The following CIZ1 variants were observed in gnomAD, a reference collection of about 807,000 sequenced individuals.
CIZ1 encodes the protein CDKN1A interacting zinc finger protein 1.
CIZ1 carries 58 observed loss-of-function variants against 118.6 expected under a neutral mutation model. The observed-to-expected ratio is 0.49, with a 90% CI of 0.40 to 0.61. The LOEUF (loss-of-function observed/expected upper bound fraction) is 0.61. Ranked by LOEUF, CIZ1 falls within the 20% of genes least tolerant of loss-of-function variation. The pLI is 0.00. For missense variants in CIZ1, 921 were observed against 1,115.9 expected, an observed-to-expected ratio of 0.83 and a Z score of 2.49; for synonymous variants, 448 against 443.4, an observed-to-expected ratio of 1.01 and a Z score of -0.13.
At chr9:128,189,461 G>C (rs13295047) in intron 3 of CIZ1, among the ~76,000 whole-genome samples, 1 of 152,108 alleles carries the variant, frequency 6.6e-6, no homozygotes, top group Non-Finnish European at 1.5e-5. Flanking sequence ...CTGGGCCTCA[G>C]TTTCTTCATT....
Position 128,177,546 on chromosome 9 carries a change from C to CCAAAA in CIZ1, c.1818+19_1818+20insTTTTG. On this transcript the variant is annotated intron_variant, in intron 10 of 16. Coordinates refer to ENST00000372938, the MANE Select transcript of CIZ1 (RefSeq NM_001131016.2). ...CACGCAGGCCCCACCCCTCCCCACC[C>CCAAAA]TTATCTCCTGTATCAGTACCTGCTG... The CCAAAA allele has an allele frequency of 2.7e-5, 36 of 1,353,296 alleles. No homozygotes were observed. The highest frequency in any genetic ancestry group is 5.3e-5 in the East Asian group (2 of 37,798). 83.8% of individuals were successfully genotyped at this position (1,353,296 alleles called of 1,614,324 possible).
At chr9:128,199,036 G>C (rs1422285385) in intron 1 of CIZ1, among the ~76,000 whole-genome samples, 1 of 151,790 alleles carries the variant, frequency 6.6e-6, no homozygotes, top group Non-Finnish European at 1.5e-5. Flanking sequence ...TAACCTCTCT[G>C]TGCCTCAGTT....
At chr9:128,174,327 G>A (rs1459964435) in intron 11 of CIZ1, among the ~76,000 whole-genome samples, 1 of 152,178 alleles carries the variant, frequency 6.6e-6, no homozygotes, top group Non-Finnish European at 1.5e-5. Context: ...ACTAGAAACT[G>A]TTCTGCTACC....
chr9:128,185,331 G>A (rs976118942), intron 5 of CIZ1, among the ~76,000 whole-genome samples: 3 of 152,134 alleles, frequency 2.0e-5, no homozygotes, highest in African/African-American at 7.2e-5. Flanking sequence ...GGTAGTGTTT[G>A]GGCATGGCAA....
rs923910006 is a variant in CIZ1, at chr9:128,203,146, T to A, written c.-6+1040A>T. 1.3e-5 allele frequency among the ~76,000 whole-genome samples: 2 copies of A among 152,148 alleles called. No homozygotes were observed. The highest frequency in any genetic ancestry group is 4.8e-5 in the African/African-American group (2 of 41,436). On this transcript the variant is annotated intron_variant, in intron 1 of 17. Transcript: ENST00000372948. This position sits in a 1 kb window ranked among gnomAD's most constrained non-coding sequence, Gnocchi z 5.3. ...CCAGACCACTCTCCAAGAGGCCTGG[T>A]ACTAGGAGTGAGACCCAACCCATTG...
chr9:128,185,537 T>C lies in CIZ1; in HGVS notation c.588+10A>G. ...CCTCCCGCCCACTCCCATCCCCACCTACCACTCACCTTTCGATTGGGGGTG... is the reference window on the plus strand; with the variant it reads ...CCTCCCGCCCACTCCCATCCCCACCCACCACTCACCTTTCGATTGGGGGTG... On this transcript the variant is annotated intron_variant, in intron 5 of 16. Transcript: ENST00000372938. 1.2e-6 allele frequency: 1 copy of C among 814,580 alleles called. No homozygotes were observed. Among genetic ancestry groups the C allele is most frequent in the Non-Finnish European group, 1.8e-6 (1 of 553,306 alleles). 50.5% of individuals were successfully genotyped at this position (814,580 alleles called of 1,614,324 possible).
At chr9:128,189,948 A>C (rs1488745761) in intron 3 of CIZ1, among the ~76,000 whole-genome samples, 2 of 152,076 alleles carry the variant, frequency 1.3e-5, no homozygotes, top group Non-Finnish European at 2.9e-5. Context: ...GGCTAGAGAC[A>C]ACCACTCAGA....
chr9:128,188,720 G>A (rs7865893), intron 3 of CIZ1, among the ~76,000 whole-genome samples: 5,128 of 151,728 alleles, frequency 0.034, 277 homozygotes, highest in African/African-American at 0.12. Flanking sequence ...AGCAACCCCC[G>A]CCTCCTGGGT....
chr9:128,179,094 T>C lies in CIZ1; in HGVS notation c.1113A>G (p.Pro371=), dbSNP rs1049335604. Reference sequence around the variant, plus strand: ...GTACCTGTGGCTGCACCTGCTTCTGTGGCTCTGCCTCCTGCTGCAGCTGTG... The same window carrying C: ...GTACCTGTGGCTGCACCTGCTTCTGCGGCTCTGCCTCCTGCTGCAGCTGTG... ...VQPQLQQEAE[P]QKQVQPQVQP... is the part of the protein sequence containing the mutation. Residue 371 remains proline, a synonymous_variant, in exon 8 of 17, where the codon CCA becomes CCG. Coordinates refer to ENST00000372938, the MANE Select transcript of CIZ1 (RefSeq NM_001131016.2). The C allele has an allele frequency of 2.5e-6, 4 of 1,613,772 alleles. No homozygotes were observed. The African/African-American group carries it at 5.3e-5, about 22-fold the overall frequency.
intron 10 of CIZ1, among the ~76,000 whole-genome samples, chr9:128,176,936 G>A (rs1005481486): frequency 2.6e-5 from 4 of 152,092 alleles, no homozygotes; most frequent in Non-Finnish European, 2.9e-5. Context: ...TGAGAGTCTC[G>A]CTCTGTTACC....
rs781115362 is a variant in CIZ1, at chr9:128,203,213, C to A, written c.-6+973G>T. ...CAGCATCCGCGCACCCCAGACACTGCTAAAGCACCCCAAAAGCCGCAGAAG... is the reference window on the plus strand; with the variant it reads ...CAGCATCCGCGCACCCCAGACACTGATAAAGCACCCCAAAAGCCGCAGAAG... On this transcript the variant is annotated intron_variant, in intron 1 of 17. Coordinates refer to the CIZ1 transcript ENST00000372948. This position sits in a 1 kb window ranked among gnomAD's most constrained non-coding sequence, Gnocchi z 5.3. 10 of 176,314 alleles carry A rather than the reference C, an allele frequency of 5.7e-5. No homozygotes were observed. Among genetic ancestry groups the A allele is most frequent in the East Asian group, 1.6e-4 (1 of 6,096 alleles). 10.9% of individuals were successfully genotyped at this position (176,314 alleles called of 1,614,324 possible).
upstream of CIZ1, among the ~76,000 whole-genome samples, chr9:128,194,880 C>T (rs916842194): frequency 2.6e-5 from 4 of 152,176 alleles, no homozygotes; most frequent in African/African-American, 9.6e-5. Flanking sequence ...CGCAGTGGCA[C>T]GATCATAGCT....
chr9:128,181,644 C>T (rs565102575), intron 5 of CIZ1, among the ~76,000 whole-genome samples: 2 of 152,122 alleles, frequency 1.3e-5, no homozygotes, highest in Non-Finnish European at 2.9e-5. Flanking sequence ...CACCAGAGGG[C>T]TCCTTGGTCT....
At position 128,177,546 on chromosome 9, in the gene CIZ1, C is replaced by CCAAAAAACAGTG; in HGVS notation, c.1818+19_1818+20insCACTGTTTTTTG. ...CACGCAGGCCCCACCCCTCCCCACCCTTATCTCCTGTATCAGTACCTGCTG... is the reference window on the plus strand; with the variant it reads ...CACGCAGGCCCCACCCCTCCCCACCCCAAAAAACAGTGTTATCTCCTGTATCAGTACCTGCTG... On this transcript the variant is annotated intron_variant, in intron 10 of 16. Coordinates refer to ENST00000372938, the MANE Select transcript of CIZ1 (RefSeq NM_001131016.2). 7.4e-7 allele frequency: 1 copy of CCAAAAAACAGTG among 1,353,458 alleles called. No homozygotes were observed. Among genetic ancestry groups the CCAAAAAACAGTG allele is most frequent in the Non-Finnish European group, 9.9e-7 (1 of 1,013,754 alleles). The allele number at this position is 1,353,458 out of a possible 1,614,324, so 83.8% of individuals were successfully genotyped here. A position where few individuals can be genotyped will look rare whatever the true frequency, so the allele number is the denominator to read the frequency against.
chr9:128,190,458 G>A lies in CIZ1; in HGVS notation c.171-14C>T, dbSNP rs200563464. ...GGGGGGAGCCCCCTGTGTGTTGGGA[G>A]GGGGTGTCAGAGGGTTATTTGGAAA... On this transcript the variant is annotated splice_polypyrimidine_tract_variant and intron_variant, in intron 2 of 16. Transcript: ENST00000372938. 6.3e-7 allele frequency: 1 copy of A among 1,588,934 alleles called. No individual in the cohort carries two copies. The highest frequency in any genetic ancestry group is 2.2e-5 in the East Asian group (1 of 44,502).
At chr9:128,182,891 T>A (rs1456431630) in intron 5 of CIZ1, among the ~76,000 whole-genome samples, 1 of 152,156 alleles carries the variant, frequency 6.6e-6, no homozygotes, top group Non-Finnish European at 1.5e-5. Flanking sequence ...TCCATAGTGC[T>A]GGGATTACAG....
chr9:128,192,318 T>C (rs1833226530), upstream of CIZ1, among the ~76,000 whole-genome samples: 1 of 149,570 alleles, frequency 6.7e-6, no homozygotes, highest in South Asian at 2.1e-4. Flanking sequence ...TGCAGTGAGC[T>C]GAGATCGCGC....
chr9:128,177,644 A>G lies in CIZ1; in HGVS notation c.1740T>C (p.Pro580=). 2 of 1,583,176 alleles carry G rather than the reference A, an allele frequency of 1.3e-6. No individual in the cohort carries two copies. The highest frequency in any genetic ancestry group is 1.7e-6 in the Non-Finnish European group (2 of 1,164,572). Residue 580 remains proline (P), a synonymous_variant, in exon 10 of 17, where the codon CCT becomes CCC. Transcript: ENST00000372938. ...PRPSDSVSST[P]AATSTPSKQA... The stretch of plus-strand genomic sequence containing the variant: ...GCTTAGAGGGAGTGCTGGTAGCCGC[A>G]GGGGTGGAGGAGACGGAGTCACTGG...
chr9:128,203,468 G>A lies in CIZ1; in HGVS notation c.-6+718C>T, dbSNP rs1445371819. Reference sequence around the variant, plus strand: ...ATCGCAGCCTGCGGGGCCCGCCGCAGCCATGGGCAACCGCGGCATGGAAGA... The same window carrying A: ...ATCGCAGCCTGCGGGGCCCGCCGCAACCATGGGCAACCGCGGCATGGAAGA... On this transcript the variant is annotated intron_variant, in intron 1 of 17. Coordinates refer to the CIZ1 transcript ENST00000372948. The surrounding 1 kb of genome is among the most constrained non-coding windows in gnomAD (Gnocchi z 5.3). 5.3e-6 allele frequency: 8 copies of A among 1,497,054 alleles called. No individual in the cohort carries two copies. Among genetic ancestry groups the A allele is most frequent in the African/African-American group, 1.4e-5 (1 of 69,098 alleles). The allele number at this position is 1,497,054 out of a possible 1,614,324, so 92.7% of individuals were successfully genotyped here.
Sources: gnomAD v4.1 joint callset for allele counts (sites outside exome capture counted in the v4.1 genomes callset) on GRCh38, gnomAD v4.1.1 for gene constraint, Gnocchi (gnomAD v3.1) non-coding constraint, MANE v1.5 for transcripts, NCBI Gene and HGNC (gene_info 2026-07-23, HGNC 2026-07-21) for gene names.